The following HORMAD2 variants were observed in gnomAD, a reference collection of about 807,000 sequenced individuals.
The protein encoded by HORMAD2 is HORMA domain-containing protein 2.
In HORMAD2, 45 loss-of-function variants were observed where a neutral mutation model predicts 38.8. That is an observed-to-expected ratio of 1.16 (90% CI 0.91 to 1.49). HORMAD2 has a LOEUF of 1.49. HORMAD2 is among the 40% of genes most tolerant of loss of function. The probability of loss-of-function intolerance (pLI) is 0.00; values close to 1 mark genes in which losing one functional copy is unlikely to be tolerated. For synonymous variants in HORMAD2, 126 were observed against 122.8 expected, an observed-to-expected ratio of 1.03 and a Z score of -0.17; for missense variants, 338 against 367.0, an observed-to-expected ratio of 0.92 and a Z score of 0.65.
chr22:30,087,578 G>A, intron 1 of HORMAD2, among the ~76,000 whole-genome samples: 1 of 152,078 alleles, frequency 6.6e-6, no homozygotes, highest in East Asian at 1.9e-4. Context: ...AGGTTTAATT[G>A]GCTCACAGTT....
downstream of HORMAD2, among the ~76,000 whole-genome samples, chr22:30,182,016 T>C (rs959724681): frequency 6.6e-6 from 1 of 152,224 alleles, no homozygotes; most frequent in African/African-American, 2.4e-5. Context: ...TGAATTTCAA[T>C]GGAGATTTTA....
At chr22:30,111,733 A>T (rs1033210756) in intron 5 of HORMAD2, 63 bp from the exon 6 acceptor site, 25 of 1,296,270 alleles carry the variant, frequency 1.9e-5, no homozygotes, top group Non-Finnish European at 2.7e-5. Context: ...TAGTCTATTG[A>T]AAAGAATGAT....
At chr22:30,196,619 A>G in the HORMAD2 span, among the ~76,000 whole-genome samples, 1 of 152,216 alleles carries the variant, frequency 6.6e-6, no homozygotes, top group African/African-American at 2.4e-5. Flanking sequence ...CAGAGGGGCC[A>G]GGTCTGGGCT....
intron 1 of HORMAD2, among the ~76,000 whole-genome samples, chr22:30,081,886 C>T (rs1374016694): frequency 6.6e-6 from 1 of 151,948 alleles, no homozygotes; most frequent in Non-Finnish European, 1.5e-5. Flanking sequence ...CACCTGGCCC[C>T]TTTTCTTTAT....
intron 10 of HORMAD2, among the ~76,000 whole-genome samples, chr22:30,154,155 A>C (rs557283276): frequency 6.6e-5 from 10 of 152,252 alleles, no homozygotes; most frequent in African/African-American, 2.4e-4. Context: ...ACAAAAAGCT[A>C]AGCTTTTTGA....
At chr22:30,150,043 A>G (rs1041401393) in intron 10 of HORMAD2, among the ~76,000 whole-genome samples, 3 of 151,810 alleles carry the variant, frequency 2.0e-5, no homozygotes, top group South Asian at 4.2e-4. Flanking sequence ...GTAGGCACTC[A>G]GTGTCTTTTA....
the HORMAD2 span, among the ~76,000 whole-genome samples, chr22:30,187,093 C>T: frequency 6.6e-5 from 10 of 152,102 alleles, no homozygotes; most frequent in South Asian, 8.3e-4. Flanking sequence ...ATGTGAATGT[C>T]GTAGAATGGC....
At chr22:30,169,389 CT>C (rs1264676060) in intron 10 of HORMAD2, among the ~76,000 whole-genome samples, 1 of 152,082 alleles carries the variant, frequency 6.6e-6, no homozygotes, top group East Asian at 1.9e-4. Context: ...AATTATAAAA[CT>C]TTTAAAGTTA....
downstream of HORMAD2, among the ~76,000 whole-genome samples, chr22:30,181,340 C>T (rs1221349085): frequency 1.3e-5 from 2 of 152,000 alleles, no homozygotes; most frequent in Non-Finnish European, 2.9e-5. Flanking sequence ...TTTTTGCCTA[C>T]CCAGAGCTCC....
At chr22:30,081,773 GAC>G (rs2146046290) in intron 1 of HORMAD2, among the ~76,000 whole-genome samples, 1 of 151,918 alleles carries the variant, frequency 6.6e-6, no homozygotes, top group Admixed American at 6.6e-5. Flanking sequence ...TTTTAGTAGA[GAC>G]AGGGTTTCAC....
At chr22:30,096,486 T>A (rs1241518869) in intron 2 of HORMAD2, among the ~76,000 whole-genome samples, 2 of 151,992 alleles carry the variant, frequency 1.3e-5, no homozygotes, top group African/African-American at 4.8e-5. Context: ...TTGTGATTTT[T>A]TTTTTTTTGA....
intron 1 of HORMAD2, among the ~76,000 whole-genome samples, chr22:30,081,994 C>T (rs1020488035): frequency 3.9e-5 from 6 of 152,012 alleles, no homozygotes; most frequent in Non-Finnish European, 5.9e-5. Flanking sequence ...TCTGTTCTTC[C>T]CCCCACCCTC....
chr22:30,183,205 C>T, the HORMAD2 span, among the ~76,000 whole-genome samples: 1 of 152,216 alleles, frequency 6.6e-6, no homozygotes, highest in African/African-American at 2.4e-5. Flanking sequence ...TGCATTAATA[C>T]AGATGTAAGG....
chr22:30,155,437 C>G (rs1046451566), intron 10 of HORMAD2, among the ~76,000 whole-genome samples: 1 of 152,072 alleles, frequency 6.6e-6, no homozygotes, highest in Non-Finnish European at 1.5e-5. Flanking sequence ...CAGTGGGAGC[C>G]TCTTCAAGTT....
In HORMAD2 at chr22:30,176,285, C is replaced by A; in HGVS notation, c.*118C>A. ...CCAAAACCTTTTTCTAAATTTTTTGCTCAATTTTTTTTGTCAGTTGCTAAG... is the reference window on the plus strand; with the variant it reads ...CCAAAACCTTTTTCTAAATTTTTTGATCAATTTTTTTTGTCAGTTGCTAAG... On this transcript the variant is annotated 3_prime_UTR_variant, in exon 11 of 11. Coordinates refer to ENST00000336726, the MANE Select transcript of HORMAD2 (RefSeq NM_152510.4). 2 of 759,358 alleles carry A rather than the reference C, an allele frequency of 2.6e-6. No homozygotes were observed. Among genetic ancestry groups the A allele is most frequent in the Non-Finnish European group, 4.1e-6 (2 of 482,302 alleles). 47.0% of individuals were successfully genotyped at this position (759,358 alleles called of 1,614,324 possible).
At chr22:30,126,863 T>G (rs552254270) in intron 10 of HORMAD2, among the ~76,000 whole-genome samples, 19 of 152,354 alleles carry the variant, frequency 1.2e-4, no homozygotes, top group African/African-American at 4.3e-4. Context: ...TTTCCATCGT[T>G]AAGATTTTAG....
At chr22:30,158,595 T>TTCCTTTCCTCCCTCCCTTTG (rs1209084640) in intron 10 of HORMAD2, among the ~76,000 whole-genome samples, 1 of 96,068 alleles carries the variant, frequency 1.0e-5, no homozygotes, top group African/African-American at 4.6e-5. Context: ...CCTTCCTTCC[T>TTCCTTTCCTCCCTCCCTTTG]TCCCTCCCTC....
chr22:30,148,793 A>G (rs1924575008), intron 10 of HORMAD2, among the ~76,000 whole-genome samples: 1 of 152,174 alleles, frequency 6.6e-6, no homozygotes, highest in African/African-American at 2.4e-5. Context: ...TCACGAGGTC[A>G]GGAGATCAAG....
chr22:30,128,398 G>T (rs1303734367), intron 10 of HORMAD2, among the ~76,000 whole-genome samples: 1 of 151,640 alleles, frequency 6.6e-6, no homozygotes, highest in Non-Finnish European at 1.5e-5. Flanking sequence ...TAACATTATT[G>T]ATTTTGTAAA....
Sources: gnomAD v4.1 joint callset for allele counts (sites outside exome capture counted in the v4.1 genomes callset) on GRCh38, gnomAD v4.1.1 for gene constraint, MANE v1.5 for transcripts, NCBI Gene and HGNC (gene_info 2026-07-23, HGNC 2026-07-21) for gene names.